CDH18: variants seen among roughly 807,000 people sequenced by gnomAD.
CDH18 encodes cadherin 18.
Under a neutral mutation model 67.9 loss-of-function variants are expected in CDH18, and 31 were observed. The observed-to-expected ratio is 0.46, with a 90% CI of 0.34 to 0.62. CDH18 has a LOEUF of 0.62. Ranked by LOEUF, CDH18 falls within the 20% of genes least tolerant of loss-of-function variation. The pLI, the probability that CDH18 is intolerant of heterozygous loss-of-function variation, is 0.01. For synonymous variants in CDH18, 362 were observed against 347.2 expected, an observed-to-expected ratio of 1.04 and a Z score of -0.48; for missense variants, 890 against 975.5, an observed-to-expected ratio of 0.91 and a Z score of 1.17.
rs115603355 is a variant in CDH18 at position 19,757,985 on chromosome 5, C to T, written c.229-10749G>A. Among the ~76,000 whole-genome samples, 1,387 of 152,226 alleles carry T rather than the reference C, an allele frequency of 9.1e-3. 23 individuals are homozygous for T. The highest frequency in any genetic ancestry group is 0.031 in the African/African-American group (1,300 of 41,528). ...TGCAGAACCATCTGTGAACCAGGCT[C>T]GAGTCTTCTCTTCCTCTGTCAACTG... On this transcript the variant is annotated intron_variant, in intron 3 of 12. Transcript: ENST00000382275.
At chr5:20,529,914 A>C (rs1205210472) in intron 1 of CDH18, among the ~76,000 whole-genome samples, 1 of 152,028 alleles carries the variant, frequency 6.6e-6, no homozygotes, top group Non-Finnish European at 1.5e-5. Flanking sequence ...GAAGGAAATA[A>C]AGCATATTCA....
chr5:20,234,505 T>A (rs549141232), intron 2 of CDH18, among the ~76,000 whole-genome samples: 1 of 152,088 alleles, frequency 6.6e-6, no homozygotes, highest in South Asian at 2.1e-4. Flanking sequence ...GTCTCTTCTC[T>A]CCACTGTGTA....
chr5:19,854,625 G>A (rs948293077), intron 2 of CDH18, among the ~76,000 whole-genome samples: 10 of 151,840 alleles, frequency 6.6e-5, no homozygotes, highest in Admixed American at 6.6e-4. Context: ...ATTTACAGAC[G>A]ACTAGTAAAA....
At chr5:19,704,344 G>T (rs978787893) in intron 5 of CDH18, among the ~76,000 whole-genome samples, 2 of 152,090 alleles carry the variant, frequency 1.3e-5, no homozygotes, top group Non-Finnish European at 2.9e-5. Flanking sequence ...GTTATATTTT[G>T]CTCTGTGAAT....
At chr5:20,357,615 T>C (rs1741739535) in intron 1 of CDH18, among the ~76,000 whole-genome samples, 1 of 152,088 alleles carries the variant, frequency 6.6e-6, no homozygotes, top group African/African-American at 2.4e-5. Context: ...AGACATCATC[T>C]CACACAAGTC....
chr5:20,389,969 C>T (rs1159412709), intron 1 of CDH18, among the ~76,000 whole-genome samples: 1 of 152,122 alleles, frequency 6.6e-6, no homozygotes, highest in Non-Finnish European at 1.5e-5. Flanking sequence ...CTTCCTTACA[C>T]CTTATACAAA....
chr5:19,785,593 G>T (rs1200775177), intron 3 of CDH18, among the ~76,000 whole-genome samples: 1 of 136,746 alleles, frequency 7.3e-6, no homozygotes, highest in Non-Finnish European at 1.5e-5. Flanking sequence ...GGCGGAGGTT[G>T]CAGTAAGCCG....
intron 1 of CDH18, among the ~76,000 whole-genome samples, chr5:20,418,834 G>A (rs1179978686): frequency 6.6e-6 from 1 of 152,108 alleles, no homozygotes; most frequent in African/African-American, 2.4e-5. Context: ...TAATGTGATA[G>A]TGTTAGGAGG....
At chr5:20,275,425 G>C (rs1483647902) in intron 1 of CDH18, among the ~76,000 whole-genome samples, 2 of 152,076 alleles carry the variant, frequency 1.3e-5, no homozygotes, top group Non-Finnish European at 2.9e-5. Context: ...CATGCTTCCT[G>C]TTAAGCCTGC....
At chr5:20,249,462 A>G (rs1339040261) in intron 2 of CDH18, among the ~76,000 whole-genome samples, 1 of 146,934 alleles carries the variant, frequency 6.8e-6, no homozygotes, top group Non-Finnish European at 1.5e-5. Flanking sequence ...GGCTCACTGC[A>G]AGCTCCGCCT....
chr5:20,120,943 C>G (rs948333993), intron 2 of CDH18, among the ~76,000 whole-genome samples: 1 of 152,148 alleles, frequency 6.6e-6, no homozygotes, highest in East Asian at 1.9e-4. Flanking sequence ...TATAATGAGA[C>G]AGATACTGTA....
chr5:20,507,480 A>T (rs572824711), intron 1 of CDH18, among the ~76,000 whole-genome samples: 1 of 152,302 alleles, frequency 6.6e-6, no homozygotes, highest in African/African-American at 2.4e-5. Context: ...TTGGATAGAG[A>T]TGTAGTTATG....
chr5:20,207,637 G>A (rs1330102997), intron 2 of CDH18, among the ~76,000 whole-genome samples: 1 of 151,980 alleles, frequency 6.6e-6, no homozygotes, highest in Non-Finnish European at 1.5e-5. Context: ...CATGAGAACA[G>A]CAGGGGAAAG....
chr5:20,287,215 ATAATACT>A (rs1746757211), intron 1 of CDH18, among the ~76,000 whole-genome samples: 1 of 151,790 alleles, frequency 6.6e-6, no homozygotes, highest in Non-Finnish European at 1.5e-5. Context: ...TTACTATGAA[ATAATACT>A]TAAAGAAAGC....
chr5:19,929,999 T>A (rs1793499715), intron 2 of CDH18, among the ~76,000 whole-genome samples: 1 of 151,992 alleles, frequency 6.6e-6, no homozygotes, highest in East Asian at 1.9e-4. Context: ...ATAATGACAG[T>A]GACAGGGTAA....
At position 19,748,112 on chromosome 5, in the gene CDH18, C is replaced by CAAAAAAAAAAAAAAAAAAAAAAAAA. The variant is rs766955714; in HGVS notation, c.229-877_229-876insTTTTTTTTTTTTTTTTTTTTTTTTT. ...TGGGAGACAGAGCGAGACTCCATCT[C>CAAAAAAAAAAAAAAAAAAAAAAAAA]AAAAAAAAAAAAAAAAAAAAAGAGT... On this transcript the variant is annotated intron_variant, in intron 3 of 12. Transcript: ENST00000382275. Among the ~76,000 whole-genome samples the CAAAAAAAAAAAAAAAAAAAAAAAAA allele has an allele frequency of 1.5e-3, 23 of 14,852 alleles. 4 individuals carry two copies. The highest frequency in any genetic ancestry group is 2.3e-3 in the African/African-American group (13 of 5,600). 9.7% of individuals were successfully genotyped at this position (14,852 alleles called of 152,430 possible). A position where few individuals can be genotyped will look rare whatever the true frequency, so the allele number is the denominator to read the frequency against.
At chr5:19,921,449 T>C (rs1394382310) in intron 2 of CDH18, among the ~76,000 whole-genome samples, 1 of 150,346 alleles carries the variant, frequency 6.7e-6, no homozygotes, top group Non-Finnish European at 1.5e-5. Flanking sequence ...GAGAATGGTG[T>C]GAACCCGGGA....
intron 9 of CDH18, among the ~76,000 whole-genome samples, chr5:19,539,965 C>G (rs929794878): frequency 6.6e-6 from 1 of 152,098 alleles, no homozygotes; most frequent in African/African-American, 2.4e-5. Flanking sequence ...CCCAGCAGTC[C>G]TCCAAAGGCT....
At chr5:19,884,632 T>TA (rs1344759686) in intron 2 of CDH18, among the ~76,000 whole-genome samples, 2 of 151,996 alleles carry the variant, frequency 1.3e-5, no homozygotes, top group Non-Finnish European at 2.9e-5. Flanking sequence ...TTTACATACT[T>TA]ATGACAACTC....
Sources: allele counts gnomAD v4.1 joint callset (sites outside exome capture counted in the v4.1 genomes callset), GRCh38; gene constraint gnomAD v4.1.1; transcripts MANE v1.5; gene names NCBI Gene and HGNC (gene_info 2026-07-23, HGNC 2026-07-21).